The following ACCSL variants were observed in gnomAD, a reference collection of about 807,000 sequenced individuals.
The protein encoded by ACCSL is probable inactive 1-aminocyclopropane-1-carboxylate synthase-like protein 2.
ACCSL carries 55 observed loss-of-function variants against 61.7 expected under a neutral mutation model. That is an observed-to-expected ratio of 0.89 (90% CI 0.72 to 1.12). ACCSL has a LOEUF of 1.12. Among genes scored for constraint, ACCSL ranks in the 50% most tolerant of loss-of-function variants. The pLI, the probability that ACCSL is intolerant of heterozygous loss-of-function variation, is 0.00. For synonymous variants in ACCSL, 258 were observed against 264.3 expected, an observed-to-expected ratio of 0.98 and a Z score of 0.23; for missense variants, 632 against 698.0, an observed-to-expected ratio of 0.91 and a Z score of 1.07.
the ACCSL span, among the ~76,000 whole-genome samples, chr11:43,959,731 G>C: frequency 6.6e-6 from 1 of 152,172 alleles, no homozygotes; most frequent in Non-Finnish European, 1.5e-5. Flanking sequence ...CTGGCCCTCA[G>C]GGAGATTCAG....
At chr11:44,023,808 C>T in the ACCSL span, among the ~76,000 whole-genome samples, 169 of 152,152 alleles carry the variant, frequency 1.1e-3, no homozygotes, top group Non-Finnish European at 1.9e-3. Context: ...CCTCTAAGTA[C>T]TAATTTAGTG....
chr11:44,017,136 TGGAAA>T, the ACCSL span, among the ~76,000 whole-genome samples: 1 of 152,022 alleles, frequency 6.6e-6, no homozygotes, highest in African/African-American at 2.4e-5. Flanking sequence ...CAATACCCAA[TGGAAA>T]GGACTTGTCT....
the ACCSL span, among the ~76,000 whole-genome samples, chr11:43,956,008 A>T: frequency 1.3e-4 from 20 of 151,776 alleles, no homozygotes; most frequent in Admixed American, 6.6e-4. Context: ...GCAATGAATG[A>T]TTCATGAATT....
At chr11:44,011,764 C>T in the ACCSL span, among the ~76,000 whole-genome samples, 287 of 152,106 alleles carry the variant, frequency 1.9e-3, no homozygotes, top group Non-Finnish European at 3.1e-3. Flanking sequence ...CCCTGATAAA[C>T]CCTGGGTGTG....
chr11:44,031,007 CA>C, the ACCSL span, among the ~76,000 whole-genome samples: 1 of 152,194 alleles, frequency 6.6e-6, no homozygotes, highest in African/African-American at 2.4e-5. Flanking sequence ...CAGGGATTTA[CA>C]CCCAGGATTT....
the ACCSL span, among the ~76,000 whole-genome samples, chr11:44,004,568 A>T: frequency 1.3e-5 from 2 of 152,126 alleles, no homozygotes; most frequent in African/African-American, 2.4e-5. Context: ...TTCTCCTTTC[A>T]TTCTCAGCCC....
At chr11:43,999,784 ATC>A in the ACCSL span, among the ~76,000 whole-genome samples, 1 of 152,098 alleles carries the variant, frequency 6.6e-6, no homozygotes, top group Non-Finnish European at 1.5e-5. Flanking sequence ...CCCCTTCCTG[ATC>A]CCATGTAGTA....
chr11:44,010,094 A>G, the ACCSL span, among the ~76,000 whole-genome samples: 1 of 152,184 alleles, frequency 6.6e-6, no homozygotes, highest in African/African-American at 2.4e-5. Flanking sequence ...TAATCCCAGC[A>G]TTTTGGGAGG....
chr11:44,047,709 T>C (rs369076880), upstream of ACCSL, among the ~76,000 whole-genome samples: 9 of 152,232 alleles, frequency 5.9e-5, no homozygotes, highest in African/African-American at 2.2e-4. Context: ...AGTGCTCAGG[T>C]TGAAGAACGG....
the ACCSL span, among the ~76,000 whole-genome samples, chr11:44,022,062 AT>A: frequency 0.22 from 33,668 of 150,438 alleles, 3,923 homozygotes; most frequent in East Asian, 0.31. Context: ...ATGCCTTCAG[AT>A]TTTTTTTTTT....
intron 13 of ACCSL, among the ~76,000 whole-genome samples, chr11:44,058,929 T>C (rs755662692): frequency 2.6e-5 from 4 of 152,128 alleles, no homozygotes; most frequent in Non-Finnish European, 5.9e-5. Flanking sequence ...GAGTGAGGCA[T>C]TGGGACCACA....
chr11:44,017,094 TACAC>T, the ACCSL span, among the ~76,000 whole-genome samples: 1 of 152,122 alleles, frequency 6.6e-6, no homozygotes, highest in Non-Finnish European at 1.5e-5. Context: ...GACATTCAGA[TACAC>T]ACAGGCACAC....
the ACCSL span, among the ~76,000 whole-genome samples, chr11:44,028,616 G>A: frequency 6.6e-6 from 1 of 152,166 alleles, no homozygotes; most frequent in African/African-American, 2.4e-5. Context: ...TGAGCAGAGT[G>A]TGTGGCACAG....
the ACCSL span, chr11:43,925,593 C>T: frequency 2.5e-6 from 1 of 393,068 alleles, no homozygotes; most frequent in Non-Finnish European, 5.2e-6. Context: ...TACATGCTCC[C>T]TCTTACGGTC....
At chr11:44,022,062 A>AT in the ACCSL span, among the ~76,000 whole-genome samples, 848 of 150,528 alleles carry the variant, frequency 5.6e-3, 9 homozygotes, top group African/African-American at 0.019. Context: ...ATGCCTTCAG[A>AT]TTTTTTTTTT....
At chr11:43,979,514 T>G in the ACCSL span, among the ~76,000 whole-genome samples, 1 of 152,084 alleles carries the variant, frequency 6.6e-6, no homozygotes. Flanking sequence ...GTGTCCTTCG[T>G]TTGATCTACA....
chr11:43,993,655 C>T, the ACCSL span, among the ~76,000 whole-genome samples: 1 of 151,174 alleles, frequency 6.6e-6, no homozygotes, highest in African/African-American at 2.4e-5. Context: ...TGGGCAGCAT[C>T]ACTCAGCCAG....
At chr11:43,938,764 T>C in the ACCSL span, among the ~76,000 whole-genome samples, 1 of 152,176 alleles carries the variant, frequency 6.6e-6, no homozygotes, top group Non-Finnish European at 1.5e-5. Context: ...ATTGCACCAC[T>C]ACACACCAGC....
the ACCSL span, among the ~76,000 whole-genome samples, chr11:43,931,346 C>T: frequency 6.6e-6 from 1 of 152,228 alleles, no homozygotes; most frequent in Non-Finnish European, 1.5e-5. Context: ...TCTACTGCAT[C>T]AGTCTATTCC....
Sources: gnomAD v4.1 joint callset for allele counts (sites outside exome capture counted in the v4.1 genomes callset) on GRCh38, gnomAD v4.1.1 for gene constraint, MANE v1.5 for transcripts, NCBI Gene and HGNC (gene_info 2026-07-23, HGNC 2026-07-21) for gene names.